CLINT1: variants seen among roughly 807,000 people sequenced by gnomAD.
The protein encoded by CLINT1 is clathrin interacting protein localized in the trans-Golgi region.
Under a neutral mutation model 70.4 loss-of-function variants are expected in CLINT1, and 15 were observed. The observed-to-expected ratio is 0.21, with a 90% CI of 0.14 to 0.33. The LOEUF is 0.33. Ranked by LOEUF, CLINT1 falls within the 10% of genes least tolerant of loss-of-function variation. The pLI is 1.00. For synonymous variants in CLINT1, 227 were observed against 254.7 expected, an observed-to-expected ratio of 0.89 and a Z score of 1.04; for missense variants, 615 against 778.1, an observed-to-expected ratio of 0.79 and a Z score of 2.49.
intron 9 of CLINT1, 71 bp downstream of exon 9, chr5:157,794,827 G>A (rs757671606): frequency 5.6e-6 from 6 of 1,064,176 alleles, no homozygotes; most frequent in African/African-American, 4.8e-5. Flanking sequence ...AGCTGACTTG[G>A]GGGGAATGGG....
Position 157,813,235 on chromosome 5 carries a change from G to A in CLINT1, c.353-8C>T. 2 of 1,605,822 alleles carry A rather than the reference G, an allele frequency of 1.2e-6. No homozygotes were observed. Among genetic ancestry groups the A allele is most frequent in the South Asian group, 2.2e-5 (2 of 90,310 alleles). On this transcript the variant is annotated splice_polypyrimidine_tract_variant and splice_region_variant and intron_variant, in intron 4 of 11. Transcript: ENST00000411809. ...GATCCTTACCATGCTCATCTATGAGGATGGTAAGAGATAAGCAAAACCTAA... is the reference window on the plus strand; with the variant it reads ...GATCCTTACCATGCTCATCTATGAGAATGGTAAGAGATAAGCAAAACCTAA...
intron 6 of CLINT1, among the ~76,000 whole-genome samples, chr5:157,807,384 A>G (rs1399693591): frequency 1.3e-5 from 2 of 152,100 alleles, no homozygotes; most frequent in Non-Finnish European, 2.9e-5. Context: ...TTTGGTGTCC[A>G]ATTTTATTTC....
chr5:157,853,832 T>A (rs1472424239), intron 1 of CLINT1, among the ~76,000 whole-genome samples: 2 of 131,324 alleles, frequency 1.5e-5, no homozygotes, highest in Non-Finnish European at 3.3e-5. Context: ...AATACTAAAG[T>A]GTGCAAGAAA....
chr5:157,788,432 T>G (rs1202246977), intron 11 of CLINT1, among the ~76,000 whole-genome samples: 2 of 152,180 alleles, frequency 1.3e-5, no homozygotes, highest in Non-Finnish European at 2.9e-5. Flanking sequence ...GACTTATTTT[T>G]AGAACATTCT....
At chr5:157,846,076 T>A (rs1214451197) in intron 1 of CLINT1, among the ~76,000 whole-genome samples, 1 of 152,140 alleles carries the variant, frequency 6.6e-6, no homozygotes, top group Non-Finnish European at 1.5e-5. Context: ...AGACACAATA[T>A]TGACATTAGG....
chr5:157,797,296 G>T (rs985596157), intron 8 of CLINT1, among the ~76,000 whole-genome samples: 1 of 152,144 alleles, frequency 6.6e-6, no homozygotes, highest in African/African-American at 2.4e-5. Flanking sequence ...AAAAATTAAA[G>T]ATTATTTTAA....
intron 11 of CLINT1, among the ~76,000 whole-genome samples, chr5:157,788,632 G>A (rs1035696401): frequency 6.6e-6 from 1 of 152,128 alleles, no homozygotes; most frequent in African/African-American, 2.4e-5. Context: ...ATAAGAAACA[G>A]TATAGAGAGA....
intron 1 of CLINT1, among the ~76,000 whole-genome samples, chr5:157,842,494 G>C (rs1033303206): frequency 6.6e-6 from 1 of 152,130 alleles, no homozygotes; most frequent in African/African-American, 2.4e-5. Flanking sequence ...AATGACAGAA[G>C]TTAATAAACA....
At chr5:157,846,077 T>C (rs1222598058) in intron 1 of CLINT1, among the ~76,000 whole-genome samples, 1 of 152,188 alleles carries the variant, frequency 6.6e-6, no homozygotes, top group Non-Finnish European at 1.5e-5. Flanking sequence ...GACACAATAT[T>C]GACATTAGGT....
intron 8 of CLINT1, among the ~76,000 whole-genome samples, chr5:157,796,906 ATC>A (rs1440363409): frequency 6.7e-6 from 1 of 149,496 alleles, no homozygotes; most frequent in Non-Finnish European, 1.5e-5. Context: ...ATATATATAT[ATC>A]TCCTCACTCA....
intron 1 of CLINT1, among the ~76,000 whole-genome samples, chr5:157,821,070 G>T (rs182439447): frequency 0.012 from 1,890 of 151,788 alleles, 54 homozygotes; most frequent in African/African-American, 0.043. Flanking sequence ...CTTAGTTGTT[G>T]TTTTTTTTAA....
chr5:157,849,691 C>T (rs1753504269), intron 1 of CLINT1, among the ~76,000 whole-genome samples: 1 of 152,234 alleles, frequency 6.6e-6, no homozygotes, highest in Non-Finnish European at 1.5e-5. Context: ...TCTTGGCATT[C>T]TGTGCCCAAT....
chr5:157,839,794 T>C (rs996174709), intron 1 of CLINT1, among the ~76,000 whole-genome samples: 1 of 151,780 alleles, frequency 6.6e-6, no homozygotes, highest in Non-Finnish European at 1.5e-5. Flanking sequence ...TAATCTCTAT[T>C]TTAAAAATAT....
chr5:157,827,731 G>T (rs1763084684), intron 1 of CLINT1, among the ~76,000 whole-genome samples: 1 of 152,132 alleles, frequency 6.6e-6, no homozygotes, highest in Non-Finnish European at 1.5e-5. Context: ...AACTTCAGTG[G>T]TTACCAATAC....
intron 8 of CLINT1, among the ~76,000 whole-genome samples, chr5:157,801,415 G>A (rs1363801739): frequency 6.6e-6 from 1 of 152,076 alleles, no homozygotes; most frequent in Non-Finnish European, 1.5e-5. Context: ...ACTGAGGCAG[G>A]AGAATCGCTT....
intron 1 of CLINT1, among the ~76,000 whole-genome samples, chr5:157,854,516 T>C (rs1018062771): frequency 2.6e-5 from 4 of 152,058 alleles, no homozygotes; most frequent in Non-Finnish European, 4.4e-5. Context: ...CCTGGACAAC[T>C]GAGTGTGACC....
At chr5:157,850,016 C>T (rs984164110) in intron 1 of CLINT1, among the ~76,000 whole-genome samples, 10 of 151,996 alleles carry the variant, frequency 6.6e-5, no homozygotes, top group East Asian at 1.9e-4. Flanking sequence ...AAAATAGTGA[C>T]GAGTGTGAGT....
intron 1 of CLINT1, among the ~76,000 whole-genome samples, chr5:157,853,765 G>A (rs886429980): frequency 2.7e-5 from 3 of 111,270 alleles, no homozygotes; most frequent in East Asian, 2.7e-4. Flanking sequence ...CAACGAGAGC[G>A]AGACACCATC....
intron 8 of CLINT1, among the ~76,000 whole-genome samples, chr5:157,798,766 C>A (rs933188205): frequency 2.0e-5 from 3 of 151,814 alleles, no homozygotes; most frequent in Non-Finnish European, 4.4e-5. Context: ...TTTCTCTTTA[C>A]CAAACTGAAA....
Sources: gnomAD v4.1 joint callset for allele counts (sites outside exome capture counted in the v4.1 genomes callset) on GRCh38, gnomAD v4.1.1 for gene constraint, MANE v1.5 for transcripts, NCBI Gene and HGNC (gene_info 2026-07-23, HGNC 2026-07-21) for gene names.